The following DHRS7B variants were observed in gnomAD, a reference collection of about 807,000 sequenced individuals.
DHRS7B encodes dehydrogenase/reductase 7B.
A neutral mutation model predicts 26.4 loss-of-function variants in DHRS7B; 24 were observed. The ratio of observed to expected loss-of-function variants is 0.91; its 90% CI spans 0.66 to 1.28. The LOEUF is 1.28. Among genes scored for constraint, DHRS7B ranks in the 50% most tolerant of loss-of-function variants. The pLI is 0.00. For synonymous variants in DHRS7B, 142 were observed against 166.4 expected (o/e 0.85, Z 1.13); for missense variants, 368 against 419.4 (o/e 0.88, Z 1.07).
intron 1 of DHRS7B, among the ~76,000 whole-genome samples, chr17:21,136,341 G>A (rs1277352064): frequency 6.7e-6 from 1 of 149,390 alleles, no homozygotes; most frequent in Non-Finnish European, 1.5e-5. Flanking sequence ...TTGGTGTCCT[G>A]TTTTAGATCC....
intron 6 of DHRS7B, 123 bp from the exon 7 acceptor site, chr17:21,190,825 C>G (rs959986815): frequency 1.0e-6 from 1 of 959,040 alleles, no homozygotes; most frequent in Admixed American, 2.5e-5. Context: ...GGCTTCCTGG[C>G]CCTGGGAAGA....
intron 1 of DHRS7B, among the ~76,000 whole-genome samples, chr17:21,144,203 A>G (rs896699873): frequency 2.0e-5 from 3 of 152,204 alleles, no homozygotes; most frequent in African/African-American, 7.2e-5. Context: ...TTCAACATGT[A>G]ATGCTTTATA....
chr17:21,150,185 T>C (rs1206336010), intron 1 of DHRS7B, among the ~76,000 whole-genome samples: 1 of 148,920 alleles, frequency 6.7e-6, no homozygotes, highest in African/African-American at 2.5e-5. Context: ...AGGGGCAAGG[T>C]GTCTGGTATG....
chr17:21,186,893 C>G lies in DHRS7B; in HGVS notation c.620-1818C>G, dbSNP rs569606561. Among the ~76,000 whole-genome samples, 4 of 152,088 alleles carry G rather than the reference C, an allele frequency of 2.6e-5. No individual in the cohort carries two copies. In the East Asian group the frequency reaches 7.7e-4, roughly 29 times the overall value. ...TTTGTCAAAATGAGACATAAGAAGG[C>G]AGGTTTGGATTTTTTACACCCATGA... is the stretch of plus-strand genomic sequence containing the variant. On this transcript the variant is annotated intron_variant, in intron 5 of 6. Transcript: ENST00000395511.
intron 2 of DHRS7B, among the ~76,000 whole-genome samples, chr17:21,175,904 G>A (rs1433636995): frequency 2.0e-5 from 3 of 149,072 alleles, no homozygotes; most frequent in African/African-American, 7.4e-5. Context: ...TTCTAGCCTG[G>A]GTGCAGAGCG....
At chr17:21,164,030 C>CCTTTTTTTTTTTTT (rs1974054987) in intron 1 of DHRS7B, among the ~76,000 whole-genome samples, 7 of 96,976 alleles carry the variant, frequency 7.2e-5, no homozygotes, top group African/African-American at 5.1e-5. Flanking sequence ...AATTGTTGTG[C>CCTTTTTTTTTTTTT]TTTTTTTTTT....
intron 1 of DHRS7B, among the ~76,000 whole-genome samples, chr17:21,136,366 T>C (rs1973341335): frequency 6.7e-6 from 1 of 150,248 alleles, no homozygotes; most frequent in Admixed American, 6.7e-5. Context: ...CTCAAAGCCC[T>C]GTAACTCAAT....
At chr17:21,175,339 C>T (rs1875655417) in intron 2 of DHRS7B, among the ~76,000 whole-genome samples, 1 of 152,226 alleles carries the variant, frequency 6.6e-6, no homozygotes, top group Non-Finnish European at 1.5e-5. Flanking sequence ...GTACACACCG[C>T]CTGCCCCTCT....
intron 1 of DHRS7B, among the ~76,000 whole-genome samples, chr17:21,134,116 A>G (rs1175641067): frequency 6.6e-6 from 1 of 152,212 alleles, no homozygotes; most frequent in Non-Finnish European, 1.5e-5. Flanking sequence ...AAAATAATAA[A>G]AATTGGAAAA....
At chr17:21,182,441 G>C (rs55901009) in intron 3 of DHRS7B, among the ~76,000 whole-genome samples, 11,616 of 152,062 alleles carry the variant, frequency 0.076, 757 homozygotes, top group African/African-American at 0.19. Flanking sequence ...AGAGACGGGG[G>C]TTTCTCCATG....
intron 1 of DHRS7B, 141 bp downstream of exon 1, chr17:21,127,132 C>T (rs1567612986): frequency 1.2e-6 from 1 of 840,876 alleles, no homozygotes; most frequent in Non-Finnish European, 1.7e-6. Context: ...TCCGGATCCC[C>T]GCGACGCCGA....
chr17:21,151,919 A>G (rs1324111895), intron 1 of DHRS7B, among the ~76,000 whole-genome samples: 1 of 152,196 alleles, frequency 6.6e-6, no homozygotes, highest in East Asian at 1.9e-4. Context: ...TCCTCGCAAC[A>G]GTGAGTGAGT....
At chr17:21,164,333 G>T (rs1974064819) in intron 1 of DHRS7B, among the ~76,000 whole-genome samples, 1 of 152,026 alleles carries the variant, frequency 6.6e-6, no homozygotes, top group African/African-American at 2.4e-5. Flanking sequence ...GGCCAGCCTT[G>T]CTTAATTAAG....
Position 21,183,760 on chromosome 17 carries a change from A to G in DHRS7B, c.476A>G (p.Asp159Gly). The G allele has an allele frequency of 6.2e-7, 1 of 1,614,256 alleles. No homozygotes were observed. The highest frequency in any genetic ancestry group is 8.5e-7 in the Non-Finnish European group (1 of 1,180,044). ...ATCATGGACACCACAGTGGATGTGGACAAGAGGGTCATGGAGACAAACTAC... is the reference window on the plus strand; with the variant it reads ...ATCATGGACACCACAGTGGATGTGGGCAAGAGGGTCATGGAGACAAACTAC... Reference protein sequence around the residue: ...GTIMDTTVDVDKRVMETNYFG... With the variant: ...GTIMDTTVDVGKRVMETNYFG... The change falls in exon 4 of 7, where the codon GAC becomes GGC. Residue 159 changes from aspartate to glycine, a missense_variant. Asp to Gly is a moderately conservative substitution (Grantham distance 94). Coordinates refer to ENST00000395511, the MANE Select transcript of DHRS7B (RefSeq NM_015510.5).
At chr17:21,167,052 G>A (rs2144088839) in intron 1 of DHRS7B, among the ~76,000 whole-genome samples, 1 of 152,234 alleles carries the variant, frequency 6.6e-6, no homozygotes, top group South Asian at 2.1e-4. Flanking sequence ...CTTAGGAACG[G>A]ATTCCGTCTG....
At position 21,132,347 on chromosome 17, in the gene DHRS7B, A is replaced by AT. The variant is rs1168778013; in HGVS notation, c.20+5356_20+5357insT. Among the ~76,000 whole-genome samples the AT allele has an allele frequency of 2.1e-3, 277 of 131,228 alleles. 2 individuals carry two copies. The highest frequency in any genetic ancestry group is 7.9e-3 in the African/African-American group (244 of 30,766). The allele number at this position is 131,228 out of a possible 152,430, so 86.1% of individuals were successfully genotyped here. A position where few individuals can be genotyped will look rare whatever the true frequency, so the allele number is the denominator to read the frequency against. On this transcript the variant is annotated intron_variant, in intron 1 of 6. Transcript: ENST00000395511. ...GAGACCCCATCTCTTAAAAAAAAAA[A>AT]AATATATATATATATAGATAGATAG...
chr17:21,135,954 A>G (rs1042953147), intron 1 of DHRS7B, among the ~76,000 whole-genome samples: 3 of 152,158 alleles, frequency 2.0e-5, no homozygotes, highest in East Asian at 3.8e-4. Context: ...TTTGATGGGC[A>G]TCTTCTATGG....
intron 1 of DHRS7B, among the ~76,000 whole-genome samples, chr17:21,159,172 T>C (rs891065924): frequency 2.0e-5 from 3 of 152,080 alleles, no homozygotes; most frequent in African/African-American, 7.2e-5. Flanking sequence ...TAAAAACTTC[T>C]AGTCTGAGAA....
chr17:21,175,180 C>T (rs949346996), intron 2 of DHRS7B, among the ~76,000 whole-genome samples: 1 of 152,230 alleles, frequency 6.6e-6, no homozygotes, highest in Non-Finnish European at 1.5e-5. Flanking sequence ...CACACGGAGG[C>T]TTCACACCAT....
Sources: gnomAD v4.1 joint callset for allele counts (sites outside exome capture counted in the v4.1 genomes callset) on GRCh38, gnomAD v4.1.1 for gene constraint, MANE v1.5 for transcripts, NCBI Gene and HGNC (gene_info 2026-07-23, HGNC 2026-07-21) for gene names.